GAK: variants seen among roughly 807,000 people sequenced by gnomAD.
GAK encodes cyclin-G-associated kinase.
GAK carries 79 observed loss-of-function variants against 143.9 expected under a neutral mutation model. The observed-to-expected ratio is 0.55, with a 90% CI of 0.46 to 0.66. The LOEUF is 0.66. Ranked by LOEUF, GAK falls within the 30% of genes least tolerant of loss-of-function variation. The probability of loss-of-function intolerance (pLI) is 0.00; values close to 1 mark genes in which losing one functional copy is unlikely to be tolerated. For synonymous variants in GAK, 881 were observed against 765.5 expected (o/e 1.15, Z -2.49); for missense variants, 1,693 against 1,779.7 (o/e 0.95, Z 0.88).
At chr4:910,523 TCCTGCTGCCCTCTCTGCTAA>T (rs928637152) in intron 4 of GAK, among the ~76,000 whole-genome samples, 13 of 151,680 alleles carry the variant, frequency 8.6e-5, no homozygotes, top group African/African-American at 2.7e-4. Flanking sequence ...CACATGCCCC[TCCTGCTGCCCTCTCTGCTAA>T]CCTGCTGCCC....
At position 881,981 on chromosome 4, in the gene GAK, G is replaced by T. The variant is rs1715215597; in HGVS notation, c.1587C>A (p.Phe529Leu). ...TGTACACGGCGGCCTCCGCGGTGCT[G>T]AAGAGACGGCAGAAGCACAGGAAGG... Reference protein sequence around the residue: ...VCSFLCFCRLFSTAEAAVYMF... With the variant: ...VCSFLCFCRLLSTAEAAVYMF... The change falls in exon 15 of 28, where the codon TTC (phenylalanine) becomes TTA (leucine). Residue 529 changes from phenylalanine (F) to leucine (L), a missense_variant. Physicochemically the swap from Phe to Leu is conservative, Grantham distance 22 (BLOSUM62 0). Coordinates refer to ENST00000314167, the MANE Select transcript of GAK (RefSeq NM_005255.4). 1 of 1,604,858 alleles carries T rather than the reference G, an allele frequency of 6.2e-7. No homozygotes were observed.
At chr4:928,310 G>A (rs1454031531) in intron 1 of GAK, among the ~76,000 whole-genome samples, 2 of 152,146 alleles carry the variant, frequency 1.3e-5, no homozygotes, top group South Asian at 2.1e-4. Flanking sequence ...TGCCCACCTC[G>A]GCCTCCCAAA....
At chr4:914,538 A>C (rs1276528857) in intron 1 of GAK, among the ~76,000 whole-genome samples, 27 of 87,070 alleles carry the variant, frequency 3.1e-4, no homozygotes, top group East Asian at 9.7e-4. Flanking sequence ...GCACGGCCAC[A>C]CACACACAGC....
chr4:855,367 T>C (rs531448601), intron 24 of GAK, among the ~76,000 whole-genome samples: 46 of 152,258 alleles, frequency 3.0e-4, no homozygotes, highest in Admixed American at 1.8e-3. Context: ...TAAATGGTAC[T>C]GTTTTAAATG....
chr4:896,870 G>A (rs1258827663), intron 6 of GAK, among the ~76,000 whole-genome samples: 1 of 152,266 alleles, frequency 6.6e-6, no homozygotes, highest in Admixed American at 6.5e-5. Flanking sequence ...GGAGAAGGGT[G>A]TCTCACCTGG....
chr4:924,766 G>T (rs1043497675), intron 1 of GAK, among the ~76,000 whole-genome samples: 1 of 151,962 alleles, frequency 6.6e-6, no homozygotes, highest in Non-Finnish European at 1.5e-5. Context: ...AGTTCCTCCC[G>T]GGGCTGCTCT....
chr4:916,785 C>T (rs558118650), intron 1 of GAK, among the ~76,000 whole-genome samples: 8 of 152,250 alleles, frequency 5.3e-5, no homozygotes, highest in African/African-American at 1.7e-4. Flanking sequence ...AACATGTTGG[C>T]GATTTCTTAA....
intron 23 of GAK, among the ~76,000 whole-genome samples, chr4:860,462 C>T (rs933020268): frequency 1.3e-5 from 2 of 151,932 alleles, no homozygotes; most frequent in African/African-American, 4.8e-5. Flanking sequence ...AAGATGAATT[C>T]CTGAGGCCAA....
chr4:906,744 G>A (rs1721153387), intron 4 of GAK, among the ~76,000 whole-genome samples: 1 of 151,940 alleles, frequency 6.6e-6, no homozygotes, highest in Non-Finnish European at 1.5e-5. Context: ...ACCCCTGAAG[G>A]CCACGACCCC....
chr4:914,695 C>G (rs1722768870), intron 1 of GAK, among the ~76,000 whole-genome samples: 1 of 120,492 alleles, frequency 8.3e-6, no homozygotes, highest in Non-Finnish European at 1.7e-5. Context: ...CCCCAACACA[C>G]AGAGCCCCAG....
At chr4:876,995 G>A in intron 17 of GAK, 95 bp downstream of exon 17, 1 of 846,198 alleles carries the variant, frequency 1.2e-6, no homozygotes, top group Middle Eastern at 2.9e-4. Flanking sequence ...CGAGCACCCT[G>A]GACCCTCGGT....
At position 858,600 on chromosome 4, in the gene GAK, A is replaced by C. The variant is rs377114072; in HGVS notation, c.3283+1006T>G. On this transcript the variant is annotated intron_variant, in intron 24 of 27. Coordinates refer to ENST00000314167, the MANE Select transcript of GAK (RefSeq NM_005255.4). ...AAACGCTCATGGATGTCCTCAAGACATAGTAAATCCCCAAAACCACCTGAA... is the reference window on the plus strand; with the variant it reads ...AAACGCTCATGGATGTCCTCAAGACCTAGTAAATCCCCAAAACCACCTGAA... Among the ~76,000 whole-genome samples the C allele has an allele frequency of 2.0e-3, 303 of 152,376 alleles. 13 individuals carry two copies. In the South Asian group the frequency reaches 0.059, roughly 29 times the overall value.
intron 10 of GAK, among the ~76,000 whole-genome samples, chr4:890,267 C>T (rs1162405549): frequency 6.6e-6 from 1 of 152,194 alleles, no homozygotes; most frequent in Non-Finnish European, 1.5e-5. Flanking sequence ...GGGCCCTGCC[C>T]TGGAGCCTCT....
chr4:891,921 C>G (rs1442439459), intron 9 of GAK, among the ~76,000 whole-genome samples: 1 of 152,198 alleles, frequency 6.6e-6, no homozygotes, highest in Non-Finnish European at 1.5e-5. Context: ...GAGCGCCCCA[C>G]ACCTCAAAAT....
Position 856,638 on chromosome 4 carries a change from C to G in GAK, c.3283+2968G>C, listed in dbSNP as rs112968290. ...AGGTGCTCACACCTGCTCACCACAG[C>G]TGCTCACACCTGCTCACCATAGCTC... On this transcript the variant is annotated intron_variant, in intron 24 of 27. Transcript: ENST00000314167. 2.4e-3 allele frequency among the ~76,000 whole-genome samples: 242 copies of G among 99,180 alleles called. 2 individuals are homozygous for G. The highest frequency in any genetic ancestry group is 0.022 in the South Asian group (78 of 3,506). 65.1% of individuals were successfully genotyped at this position (99,180 alleles called of 152,430 possible).
chr4:856,331 A>C (rs1749165298), intron 24 of GAK, among the ~76,000 whole-genome samples: 1 of 125,590 alleles, frequency 8.0e-6, no homozygotes, highest in Non-Finnish European at 1.6e-5. Context: ...CCTGCTCACC[A>C]CAGCTGCTCA....
chr4:855,299 T>A (rs186226190), intron 24 of GAK, among the ~76,000 whole-genome samples: 9 of 152,034 alleles, frequency 5.9e-5, no homozygotes, highest in Admixed American at 6.5e-5. Flanking sequence ...GCCCTAGACA[T>A]GTCTGGTCAG....
intron 4 of GAK, among the ~76,000 whole-genome samples, chr4:905,383 G>A (rs1560409843): frequency 6.6e-6 from 1 of 152,278 alleles, no homozygotes; most frequent in African/African-American, 2.4e-5. Flanking sequence ...TCATCACCGT[G>A]GAGCAATCAG....
chr4:865,031 A>C (rs377569047), intron 23 of GAK, 91 bp downstream of exon 23: 3 of 1,501,884 alleles, frequency 2.0e-6, no homozygotes, highest in East Asian at 2.3e-5. Flanking sequence ...CTCTGCGCAG[A>C]GAGGGCCCTG....
Sources: allele counts gnomAD v4.1 joint callset (sites outside exome capture counted in the v4.1 genomes callset), GRCh38; gene constraint gnomAD v4.1.1; transcripts MANE v1.5; gene names NCBI Gene and HGNC (gene_info 2026-07-23, HGNC 2026-07-21).